The following SRSF11 variants were observed in gnomAD, a reference collection of about 807,000 sequenced individuals.
SRSF11 encodes serine/arginine-rich splicing factor 11.
In SRSF11, 9 loss-of-function variants were observed where a neutral mutation model predicts 56.0. The ratio of observed to expected loss-of-function variants is 0.16; its 90% CI spans 0.10 to 0.28. The LOEUF (loss-of-function observed/expected upper bound fraction) is 0.28. Ranked by LOEUF, SRSF11 falls within the 10% of genes least tolerant of loss-of-function variation. The probability of loss-of-function intolerance (pLI) is 1.00; values close to 1 mark genes in which losing one functional copy is unlikely to be tolerated. For synonymous variants in SRSF11, 222 were observed against 215.3 expected (o/e 1.03, Z -0.27); for missense variants, 421 against 600.7 (o/e 0.70, Z 3.13).
rs150433641 is a variant in SRSF11, at chr1:70,236,097, TGA to T, written c.590+553_590+554del. Reference sequence around the variant, plus strand: ...CTTGGTGAAAGTCACTATCAGTAAGTGAGAGAGCATGAAAAGGACAGAATCGT... The same window carrying T: ...CTTGGTGAAAGTCACTATCAGTAAGTGAGAGCATGAAAAGGACAGAATCGT... On this transcript the variant is annotated intron_variant, in intron 5 of 11. Transcript: ENST00000370949. 3.9e-3 allele frequency among the ~76,000 whole-genome samples: 590 copies of T among 152,212 alleles called. 4 individuals carry two copies. Among genetic ancestry groups the T allele is most frequent in the African/African-American group, 0.013 (549 of 41,532 alleles).
chr1:70,212,379 C>T (rs1669639201), intron 1 of SRSF11, among the ~76,000 whole-genome samples: 1 of 152,106 alleles, frequency 6.6e-6, no homozygotes, highest in African/African-American at 2.4e-5. Flanking sequence ...CCCTCAGCCT[C>T]CCCAATAGCT....
chr1:70,216,522 T>G (rs1467230721), upstream of SRSF11, among the ~76,000 whole-genome samples: 1 of 151,504 alleles, frequency 6.6e-6, no homozygotes, highest in South Asian at 2.1e-4. Flanking sequence ...AGCTTTGACC[T>G]CCCAGGCTCA....
At chr1:70,206,998 C>T (rs915731878) in intron 1 of SRSF11, among the ~76,000 whole-genome samples, 3 of 148,686 alleles carry the variant, frequency 2.0e-5, no homozygotes, top group Admixed American at 1.4e-4. Flanking sequence ...TCAAGTGATT[C>T]TCCTGCCTCA....
intron 7 of SRSF11, among the ~76,000 whole-genome samples, chr1:70,240,696 A>G (rs1462575289): frequency 6.6e-6 from 1 of 151,764 alleles, no homozygotes; most frequent in Non-Finnish European, 1.5e-5. Context: ...GACATTCAGA[A>G]CTAGGATATT....
At chr1:70,212,505 C>T (rs1298127910) in intron 1 of SRSF11, among the ~76,000 whole-genome samples, 1 of 152,162 alleles carries the variant, frequency 6.6e-6, no homozygotes, top group Non-Finnish European at 1.5e-5. Flanking sequence ...GATCCACCCA[C>T]CTTGGCCTCC....
intron 3 of SRSF11, among the ~76,000 whole-genome samples, chr1:70,232,629 G>A (rs901543321): frequency 6.6e-6 from 1 of 152,112 alleles, no homozygotes; most frequent in Non-Finnish European, 1.5e-5. Flanking sequence ...AGTAGTTTTG[G>A]AACAGTCTCC....
At chr1:70,214,142 A>C (rs922369284) in intron 1 of SRSF11, among the ~76,000 whole-genome samples, 1 of 152,234 alleles carries the variant, frequency 6.6e-6, no homozygotes, top group Non-Finnish European at 1.5e-5. Flanking sequence ...AAACTATTAG[A>C]GGTAAAGATA....
Position 70,246,814 on chromosome 1 carries a change from T to C in SRSF11, c.933-4T>C. 1 of 1,601,434 alleles carries C rather than the reference T, an allele frequency of 6.2e-7. No individual in the cohort carries two copies. Among genetic ancestry groups the C allele is most frequent in the Non-Finnish European group, 8.5e-7 (1 of 1,173,288 alleles). ...TGCATTCATAAATTGTGTTCATTTG[T>C]TAGAGACAAAAAGAAAGAAGACAAA... is the stretch of plus-strand genomic sequence containing the variant. On this transcript the variant is annotated splice_polypyrimidine_tract_variant and splice_region_variant and intron_variant, in intron 8 of 11. Coordinates refer to ENST00000370949, the MANE Select transcript of SRSF11 (RefSeq NM_001350605.2).
At chr1:70,231,748 A>G in intron 2 of SRSF11, 4 of 1,241,934 alleles carry the variant, frequency 3.2e-6, no homozygotes, top group South Asian at 1.4e-5. Context: ...AATTTTTACA[A>G]AATTTGTATG....
At chr1:70,250,076 T>C in intron 10 of SRSF11, 29 bp downstream of exon 10, 1 of 1,573,046 alleles carries the variant, frequency 6.4e-7, no homozygotes, top group Non-Finnish European at 8.7e-7. Flanking sequence ...TAAATGTATT[T>C]TTTATATTTT....
chr1:70,250,189 C>T (rs1677681070), intron 10 of SRSF11, 142 bp downstream of exon 10: 3 of 1,263,630 alleles, frequency 2.4e-6, no homozygotes, highest in Admixed American at 4.4e-5. Flanking sequence ...GTGACTTAAA[C>T]ACCATTAAGG....
intron 1 of SRSF11, among the ~76,000 whole-genome samples, chr1:70,214,053 C>A (rs76578150): frequency 0.039 from 5,885 of 152,034 alleles, 217 homozygotes; most frequent in East Asian, 0.17. Context: ...TAATTTACTG[C>A]ATGGGGGAAA....
chr1:70,239,288 C>T, intron 6 of SRSF11, 151 bp from the exon 7 acceptor site: 1 of 556,598 alleles, frequency 1.8e-6, no homozygotes, highest in South Asian at 2.5e-5. Context: ...GATGAGGCCT[C>T]ACTATATTGC....
At chr1:70,218,052 C>T (rs1360190523), upstream of SRSF11, among the ~76,000 whole-genome samples, 13 of 152,128 alleles carry the variant, frequency 8.5e-5, no homozygotes, top group Admixed American at 3.9e-4. Context: ...TGCAGGGACG[C>T]GATCTCGGTT....
chr1:70,207,013 C>T (rs1669104777), intron 1 of SRSF11, among the ~76,000 whole-genome samples: 1 of 151,406 alleles, frequency 6.6e-6, no homozygotes, highest in African/African-American at 2.4e-5. Flanking sequence ...GCCTCAGCCT[C>T]TCCAGTAGCT....
chr1:70,222,527 CTT>C (rs1209075758), intron 1 of SRSF11, among the ~76,000 whole-genome samples: 1 of 152,022 alleles, frequency 6.6e-6, no homozygotes, highest in Non-Finnish European at 1.5e-5. Flanking sequence ...TTTTGTCTCA[CTT>C]TTATTTTGAA....
intron 6 of SRSF11, among the ~76,000 whole-genome samples, chr1:70,237,868 T>C (rs1674465259): frequency 6.6e-6 from 1 of 152,238 alleles, no homozygotes; most frequent in Non-Finnish European, 1.5e-5. Context: ...TATTTTGTTT[T>C]TCTTATTATT....
chr1:70,218,214 C>T (rs1378345176), upstream of SRSF11, among the ~76,000 whole-genome samples: 6 of 152,208 alleles, frequency 3.9e-5, no homozygotes, highest in South Asian at 2.1e-4. Context: ...GTGATCCGCC[C>T]GCCTTGGCCT....
At chr1:70,224,516 C>T (rs538985063) in intron 1 of SRSF11, among the ~76,000 whole-genome samples, 20 of 152,260 alleles carry the variant, frequency 1.3e-4, no homozygotes, top group African/African-American at 4.8e-4. Context: ...CTTTAAAATA[C>T]ATGTATGACT....
Sources: allele counts gnomAD v4.1 joint callset (sites outside exome capture counted in the v4.1 genomes callset), GRCh38; gene constraint gnomAD v4.1.1; transcripts MANE v1.5; gene names NCBI Gene and HGNC (gene_info 2026-07-23, HGNC 2026-07-21).